PANK3: variants seen among roughly 807,000 people sequenced by gnomAD.
PANK3 encodes hPanK3.
Under a neutral mutation model 39.4 loss-of-function variants are expected in PANK3, and 20 were observed. That is an observed-to-expected ratio of 0.51 (90% CI 0.36 to 0.74). The LOEUF (loss-of-function observed/expected upper bound fraction) is 0.74, where lower values mean the gene tolerates loss of function less well. PANK3 is among the 30% of genes least tolerant of loss of function. The pLI is 0.00. For missense variants in PANK3, 265 were observed against 437.0 expected, an observed-to-expected ratio of 0.61 and a Z score of 3.51; for synonymous variants, 140 against 157.3, an observed-to-expected ratio of 0.89 and a Z score of 0.82.
At chr5:168,564,818 T>C (rs765766751) in intron 3 of PANK3, among the ~76,000 whole-genome samples, 26 of 152,212 alleles carry the variant, frequency 1.7e-4, no homozygotes, top group Non-Finnish European at 3.1e-4. Context: ...CAATTCAATA[T>C]GATACACTAA....
At position 168,579,242 on chromosome 5, in the gene PANK3, A is replaced by T. The variant is rs1260633753; in HGVS notation, c.28+14T>A. ...GTGCCCTCCCAACCTGGCGGGCCCC[A>T]GCCCCCGTCTTACAGGGTTTCTTGG... On this transcript the variant is annotated intron_variant, in intron 1 of 6. Coordinates refer to ENST00000239231, the MANE Select transcript of PANK3 (RefSeq NM_024594.4). The T allele has an allele frequency of 8.1e-6, 12 of 1,489,528 alleles. No homozygotes were observed. The highest frequency in any genetic ancestry group is 1.1e-5 in the Non-Finnish European group (12 of 1,117,108). The allele number at this position is 1,489,528 out of a possible 1,614,324, so 92.3% of individuals were successfully genotyped here.
At chr5:168,570,143 G>A (rs1363861499) in intron 1 of PANK3, among the ~76,000 whole-genome samples, 1 of 152,178 alleles carries the variant, frequency 6.6e-6, no homozygotes, top group Non-Finnish European at 1.5e-5. Context: ...AGCACTTTGG[G>A]AGGCCGAGAC....
At chr5:168,563,773 C>T (rs1582463586) in intron 4 of PANK3, 116 bp downstream of exon 4, 2 of 876,790 alleles carry the variant, frequency 2.3e-6, no homozygotes, top group East Asian at 3.0e-5. Flanking sequence ...AACTTGGAAC[C>T]TAAACTGGAT....
Position 168,557,036 on chromosome 5 carries a change from A to ACATACATGCTTTGG in PANK3, c.*521_*534dup, listed in dbSNP as rs1375616041. The ACATACATGCTTTGG allele has an allele frequency of 6.5e-6, 1 of 152,716 alleles. No homozygotes were observed. Among genetic ancestry groups the ACATACATGCTTTGG allele is most frequent in the Non-Finnish European group, 1.5e-5 (1 of 68,076 alleles). 9.5% of individuals were successfully genotyped at this position (152,716 alleles called of 1,614,324 possible). A position where few individuals can be genotyped will look rare whatever the true frequency, so the allele number is the denominator to read the frequency against. On this transcript the variant is annotated 3_prime_UTR_variant, in exon 7 of 7. Coordinates refer to ENST00000239231, the MANE Select transcript of PANK3 (RefSeq NM_024594.4). ...AAAAAGATACTAATGGGGAAAGATC[A>ACATACATGCTTTGG]CATACATGCTTTGGGTGATACGTTA...
intron 5 of PANK3, 105 bp from the exon 6 acceptor site, chr5:168,559,262 C>A: frequency 1.3e-6 from 1 of 770,964 alleles, no homozygotes; most frequent in Non-Finnish European, 1.9e-6. Context: ...CAAAAAAACA[C>A]AACTACGCTT....
rs1483548101 is a variant in PANK3, at chr5:168,552,851, T to C, written c.*4720A>G. 5.3e-6 allele frequency: 1 copy of C among 188,986 alleles called. No homozygotes were observed. Among genetic ancestry groups the C allele is most frequent in the Non-Finnish European group, 1.1e-5 (1 of 89,022 alleles). 11.7% of individuals were successfully genotyped at this position (188,986 alleles called of 1,614,324 possible). Reference sequence around the variant, plus strand: ...TTCTCAACACCTGCATCCTTGAAGATTCTCATTGAGTAATAGAAGACAACA... The same window carrying C: ...TTCTCAACACCTGCATCCTTGAAGACTCTCATTGAGTAATAGAAGACAACA... On this transcript the variant is annotated 3_prime_UTR_variant, in exon 7 of 7. Transcript: ENST00000239231.
At position 168,565,885 on chromosome 5, in the gene PANK3, A is replaced by ATATATATATTTTT. The variant is rs1441027360; in HGVS notation, c.635+127_635+128insAAAAATATATATA. 4 of 192,936 alleles carry ATATATATATTTTT rather than the reference A, an allele frequency of 2.1e-5. No homozygotes were observed. The South Asian group carries it at 4.8e-4, about 23-fold the overall frequency. The allele number at this position is 192,936 out of a possible 1,614,324, so 12.0% of individuals were successfully genotyped here. ...AAAAAAAAAATATATATATATATAT[A>ATATATATATTTTT]TTTTTTTTTTTTGCTGTTGTGCAAA... On this transcript the variant is annotated intron_variant, in intron 3 of 6. Coordinates refer to ENST00000239231, the MANE Select transcript of PANK3 (RefSeq NM_024594.4).
Position 168,557,539 on chromosome 5 carries a change from A to G in PANK3, c.*32T>C. ...CTCTGGTTTTAGTTCCTCTTGGATG[A>G]CATTTATTAGCAGAGAGAGAGACCT... On this transcript the variant is annotated 3_prime_UTR_variant, in exon 7 of 7. Coordinates refer to ENST00000239231, the MANE Select transcript of PANK3 (RefSeq NM_024594.4). The G allele has an allele frequency of 6.3e-7, 1 of 1,597,026 alleles. No individual in the cohort carries two copies. Among genetic ancestry groups the G allele is most frequent in the Non-Finnish European group, 8.6e-7 (1 of 1,165,750 alleles).
Position 168,553,412 on chromosome 5 carries a change from T to C in PANK3, c.*4159A>G. 8.8e-6 allele frequency: 4 copies of C among 457,110 alleles called. No individual in the cohort carries two copies. The highest frequency in any genetic ancestry group is 1.6e-5 in the South Asian group (1 of 61,102). 28.3% of individuals were successfully genotyped at this position (457,110 alleles called of 1,614,324 possible). A position where few individuals can be genotyped will look rare whatever the true frequency, so the allele number is the denominator to read the frequency against. ...CAGAATCCCATAAGGCAACCAGTAA[T>C]AGCCAACAAATTATGATAAGCATTG... On this transcript the variant is annotated 3_prime_UTR_variant, in exon 7 of 7. Transcript: ENST00000239231.
chr5:168,572,151 T>C (rs1460810209), intron 1 of PANK3, among the ~76,000 whole-genome samples: 1 of 145,052 alleles, frequency 6.9e-6, no homozygotes, highest in African/African-American at 2.5e-5. Context: ...TCTTGCTCTG[T>C]GGCCCAGACT....
chr5:168,567,570 C>T (rs1208420415), intron 2 of PANK3, among the ~76,000 whole-genome samples: 2 of 152,148 alleles, frequency 1.3e-5, no homozygotes, highest in Non-Finnish European at 2.9e-5. Context: ...TACAGTACTA[C>T]AGATCTTTAC....
chr5:168,578,560 A>G (rs1286913754), intron 1 of PANK3: 1 of 152,246 alleles, frequency 6.6e-6, no homozygotes, highest in Non-Finnish European at 1.5e-5. Context: ...AAAGGAAGCA[A>G]ATGAAAGTCG....
intron 5 of PANK3, 44 bp from the exon 6 acceptor site, chr5:168,559,201 T>G: frequency 7.9e-7 from 1 of 1,265,182 alleles, no homozygotes. Context: ...AATAATAGAT[T>G]TTACAATATA....
intron 5 of PANK3, 60 bp downstream of exon 5, chr5:168,561,333 T>C: frequency 6.9e-7 from 1 of 1,458,426 alleles, no homozygotes; most frequent in Non-Finnish European, 9.2e-7. Context: ...CTGCTAGGTG[T>C]ATATAGGACT....
At chr5:168,559,184 T>C in intron 5 of PANK3, 27 bp from the exon 6 acceptor site, 1 of 1,380,268 alleles carries the variant, frequency 7.2e-7, no homozygotes, top group Non-Finnish European at 9.8e-7. Context: ...AAGAAAAAAC[T>C]TGTAAAAATA....
In PANK3 at chr5:168,551,441, T is replaced by TAA. The variant is rs372778208; in HGVS notation, c.*6128_*6129dup. ...TCCTCTATCAGTTTTCACATGGCTT[T>TAA]AAACAGTGAATTTCTAAACTACATT... On this transcript the variant is annotated 3_prime_UTR_variant, in exon 7 of 7. Coordinates refer to ENST00000239231, the MANE Select transcript of PANK3 (RefSeq NM_024594.4). The TAA allele has an allele frequency of 4.7e-4, 72 of 152,342 alleles. No individual in the cohort carries two copies. Among genetic ancestry groups the TAA allele is most frequent in the Middle Eastern group, 3.4e-3 (1 of 294 alleles). 9.4% of individuals were successfully genotyped at this position (152,342 alleles called of 1,614,324 possible).
intron 1 of PANK3, among the ~76,000 whole-genome samples, chr5:168,573,444 A>AAAAAAAAAAAAC (rs1759679971): frequency 6.9e-6 from 1 of 143,902 alleles, no homozygotes; most frequent in Admixed American, 7.0e-5. Context: ...AAAAAAAAAA[A>AAAAAAAAAAAAC]AAGGCACAAA....
At chr5:168,570,206 C>G (rs146246408) in intron 1 of PANK3, among the ~76,000 whole-genome samples, 3 of 151,776 alleles carry the variant, frequency 2.0e-5, no homozygotes, top group African/African-American at 4.8e-5. Context: ...CACAGCGAAA[C>G]CCCGTCTCTA....
chr5:168,571,424 G>A (rs1382231075), intron 1 of PANK3, among the ~76,000 whole-genome samples: 2 of 152,148 alleles, frequency 1.3e-5, no homozygotes, highest in African/African-American at 4.8e-5. Flanking sequence ...ACTTAGACAA[G>A]GAGGCAAAGC....
Sources: allele counts gnomAD v4.1 joint callset (sites outside exome capture counted in the v4.1 genomes callset), GRCh38; gene constraint gnomAD v4.1.1; transcripts MANE v1.5; gene names NCBI Gene and HGNC (gene_info 2026-07-23, HGNC 2026-07-21).